CELF2: variants seen among roughly 807,000 people sequenced by gnomAD.
CELF2 encodes CUGBP Elav-like family member 2.
A neutral mutation model predicts 62.6 loss-of-function variants in CELF2; 8 were observed. That is an observed-to-expected ratio of 0.13 (90% CI 0.07 to 0.23). CELF2 has a LOEUF of 0.23. Ranked by LOEUF, CELF2 falls within the 10% of genes least tolerant of loss-of-function variation. The probability of loss-of-function intolerance (pLI) is 1.00; values close to 1 mark genes in which losing one functional copy is unlikely to be tolerated. For missense variants in CELF2, 333 were observed against 671.0 expected (o/e 0.50, Z 5.56); for synonymous variants, 258 against 250.0 (o/e 1.03, Z -0.30).
In CELF2 at chr10:11,269,919, G is replaced by A. The variant is rs528282985; in HGVS notation, c.619-747G>A. Among the ~76,000 whole-genome samples, 1 of 152,186 alleles carries A rather than the reference G, an allele frequency of 6.6e-6. No individual in the cohort carries two copies. The highest frequency in any genetic ancestry group is 1.5e-5 in the Non-Finnish European group (1 of 68,026). On this transcript the variant is annotated intron_variant, in intron 6 of 12. Transcript: ENST00000633077. The surrounding 1 kb of genome is among the most constrained non-coding windows in gnomAD (Gnocchi z 4.4). Reference sequence around the variant, plus strand: ...ATTCATTAGGGAAAGAAGCCAAGTGGACTCCTCCGTCTGCTGTTCACGGTC... The same window carrying A: ...ATTCATTAGGGAAAGAAGCCAAGTGAACTCCTCCGTCTGCTGTTCACGGTC...
the CELF2 span, among the ~76,000 whole-genome samples, chr10:10,645,139 AG>A: frequency 6.6e-6 from 1 of 152,140 alleles, no homozygotes; most frequent in Non-Finnish European, 1.5e-5. Context: ...TTGCTTATTC[AG>A]GGGGGATGAG....
chr10:10,588,480 G>T, the CELF2 span, among the ~76,000 whole-genome samples: 1 of 152,144 alleles, frequency 6.6e-6, no homozygotes, highest in African/African-American at 2.4e-5. Context: ...TATTGGGATT[G>T]TACCACCCTG....
the CELF2 span, among the ~76,000 whole-genome samples, chr10:10,725,661 T>C: frequency 5.7e-3 from 871 of 152,248 alleles, 2 homozygotes; most frequent in Non-Finnish European, 8.0e-3. Flanking sequence ...CTTGTCAACT[T>C]GGGCCAATAA....
At chr10:10,566,419 A>AATTT in the CELF2 span, among the ~76,000 whole-genome samples, 2 of 136,490 alleles carry the variant, frequency 1.5e-5, no homozygotes, top group Middle Eastern at 3.3e-3. Flanking sequence ...TTTTTTTTTA[A>AATTT]TTTTTTTTTT....
intron 1 of CELF2, among the ~76,000 whole-genome samples, chr10:10,834,627 G>T (rs921745893): frequency 1.3e-5 from 2 of 152,158 alleles, no homozygotes; most frequent in African/African-American, 2.4e-5. Flanking sequence ...ACGAGGGATG[G>T]CTAGTAGGGA....
intron 1 of CELF2, among the ~76,000 whole-genome samples, chr10:10,827,994 T>A: frequency 9.2e-6 from 1 of 108,166 alleles, no homozygotes; most frequent in African/African-American, 3.7e-5. Context: ...TCAGGAAGGC[T>A]AGTCTTAAAA....
At chr10:11,160,078 G>A (rs2065353507) in intron 1 of CELF2, among the ~76,000 whole-genome samples, 1 of 152,240 alleles carries the variant, frequency 6.6e-6, no homozygotes. Context: ...CAGAGGGACT[G>A]AATTGGACAC....
chr10:11,262,387 C>G (rs948935627), intron 5 of CELF2, among the ~76,000 whole-genome samples: 4 of 152,188 alleles, frequency 2.6e-5, no homozygotes, highest in Admixed American at 6.5e-5. Flanking sequence ...ACAACAACAA[C>G]AAGCATGTAC....
rs529405450 is a variant in CELF2 at position 11,150,579 on chromosome 10, A to G, written c.75-14907A>G. Among the ~76,000 whole-genome samples, 4 of 152,358 alleles carry G rather than the reference A, an allele frequency of 2.6e-5. No homozygotes were observed. The East Asian group carries it at 7.7e-4, about 29-fold the overall frequency. On this transcript the variant is annotated intron_variant, in intron 1 of 12. Transcript: ENST00000633077. ...TTATGGTTGAACCAACAGTGGCTGC[A>G]CTGAGCTCCAGCTTCCAGATCAGCA...
chr10:11,086,143 A>T (rs752864938), intron 1 of CELF2, among the ~76,000 whole-genome samples: 1 of 152,118 alleles, frequency 6.6e-6, no homozygotes, highest in East Asian at 1.9e-4. Flanking sequence ...ATCTATAGGT[A>T]CCCACTGTTT....
the CELF2 span, among the ~76,000 whole-genome samples, chr10:10,599,368 G>A: frequency 6.6e-6 from 1 of 152,072 alleles, no homozygotes; most frequent in Non-Finnish European, 1.5e-5. Context: ...ACTAAATGAG[G>A]GGATGCATTA....
At chr10:10,464,288 A>G in the CELF2 span, among the ~76,000 whole-genome samples, 2 of 152,272 alleles carry the variant, frequency 1.3e-5, no homozygotes, top group Admixed American at 1.3e-4. Context: ...GTAACTGTCT[A>G]TTAGCAACAT....
At chr10:10,642,729 A>G in the CELF2 span, among the ~76,000 whole-genome samples, 2 of 152,398 alleles carry the variant, frequency 1.3e-5, no homozygotes, top group East Asian at 1.9e-4. Flanking sequence ...AATGAATAGT[A>G]AAAGTTCCCA....
the CELF2 span, among the ~76,000 whole-genome samples, chr10:10,715,147 A>G: frequency 6.6e-6 from 1 of 152,344 alleles, no homozygotes; most frequent in South Asian, 2.1e-4. Flanking sequence ...AAGTATGTTA[A>G]CATTTTAAGA....
the CELF2 span, among the ~76,000 whole-genome samples, chr10:10,527,137 A>G: frequency 6.6e-6 from 1 of 152,186 alleles, no homozygotes; most frequent in Admixed American, 6.5e-5. Context: ...CGTGGAGCTG[A>G]CCTGCTCTTA....
At chr10:10,835,150 T>A (rs2058175960) in intron 1 of CELF2, among the ~76,000 whole-genome samples, 2 of 152,220 alleles carry the variant, frequency 1.3e-5, no homozygotes, top group Admixed American at 1.3e-4. Context: ...GATGTTTTTT[T>A]TAATGTATTA....
chr10:10,863,693 G>A (rs960083189), intron 1 of CELF2, among the ~76,000 whole-genome samples: 30 of 152,080 alleles, frequency 2.0e-4, no homozygotes, highest in African/African-American at 7.0e-4. Context: ...AGATTCCCTG[G>A]CAGACAAAGC....
In CELF2 at chr10:11,018,051, A is replaced by T. The variant is rs756550645; in HGVS notation, c.-39A>T. On this transcript the variant is annotated 5_prime_UTR_variant, in exon 1 of 13. Transcript: ENST00000633077. The stretch of plus-strand genomic sequence containing the variant: ...CCCGCGGCCGCTCGGACGCGCGCAG[A>T]GCCGCCCCCCGCCGCTGCCGCCGCG... 1.5e-5 allele frequency: 21 copies of T among 1,372,226 alleles called. No individual in the cohort carries two copies. Among genetic ancestry groups the T allele is most frequent in the Non-Finnish European group, 9.6e-7 (1 of 1,041,162 alleles). The allele number at this position is 1,372,226 out of a possible 1,614,324, so 85.0% of individuals were successfully genotyped here. A position where few individuals can be genotyped will look rare whatever the true frequency, so the allele number is the denominator to read the frequency against.
chr10:10,779,842 T>C, the CELF2 span, among the ~76,000 whole-genome samples: 1 of 151,810 alleles, frequency 6.6e-6, no homozygotes, highest in Non-Finnish European at 1.5e-5. Flanking sequence ...AATGAACTCA[T>C]TGGCCTGAAA....
Sources: allele counts gnomAD v4.1 joint callset (sites outside exome capture counted in the v4.1 genomes callset), GRCh38; gene constraint gnomAD v4.1.1; non-coding constraint Gnocchi (gnomAD v3.1); transcripts MANE v1.5; gene names NCBI Gene and HGNC (gene_info 2026-07-23, HGNC 2026-07-21).